TEX11: variants seen among roughly 807,000 people sequenced by gnomAD.
The protein encoded by TEX11 is testis expressed 11.
TEX11 carries 7 observed loss-of-function variants against 84.4 expected under a neutral mutation model. The ratio of observed to expected loss-of-function variants is 0.08; its 90% confidence interval spans 0.05 to 0.16. TEX11 has a LOEUF of 0.16. Among genes scored for constraint, TEX11 ranks in the 10% least tolerant of loss-of-function variants. TEX11 has a pLI of 1.00. For missense variants in TEX11, 551 were observed against 660.5 expected, an observed-to-expected ratio of 0.83 and a Z score of 1.82; for synonymous variants, 264 against 222.8, an observed-to-expected ratio of 1.18 and a Z score of -1.64.
chrX:70,789,005 G>GAGAGAA, intron 9 of TEX11, among the ~76,000 whole-genome samples: 1 of 76,688 alleles, frequency 1.3e-5, no homozygotes, highest in South Asian at 7.2e-4. Flanking sequence ...GAGAGAGAGA[G>GAGAGAA]AGAGAGAGAG....
intron 13 of TEX11, among the ~76,000 whole-genome samples, chrX:70,718,783 T>C (rs1569417508): frequency 9.0e-6 from 1 of 111,593 alleles, no homozygotes; most frequent in East Asian, 2.8e-4. Context: ...GTAACTGGCA[T>C]ACAGAGACTA....
rs747402125 is a variant in TEX11 at position 70,691,468 on chromosome X, G to C, written c.1005-8643C>G. Among the ~76,000 whole-genome samples the C allele has an allele frequency of 3.7e-3, 413 of 111,148 alleles. 5 individuals carry two copies. The highest frequency in any genetic ancestry group is 5.0e-3 in the Non-Finnish European group (262 of 52,715). ...AAATGTGATGTATATACATACAATGGAATATTATTCAGCCTTCAAATGAAA... is the reference window on the plus strand; with the variant it reads ...AAATGTGATGTATATACATACAATGCAATATTATTCAGCCTTCAAATGAAA... On this transcript the variant is annotated intron_variant, in intron 13 of 29. Transcript: ENST00000374333.
chrX:70,854,775 G>A (rs778013112), intron 5 of TEX11, among the ~76,000 whole-genome samples: 18 of 109,100 alleles, frequency 1.6e-4, no homozygotes, highest in African/African-American at 5.0e-4. Context: ...GCCAGGCGCC[G>A]TGGCTCATGC....
chrX:70,520,094 C>T, the TEX11 span, among the ~76,000 whole-genome samples: 3 of 111,714 alleles, frequency 2.7e-5, no homozygotes, highest in African/African-American at 9.8e-5. Flanking sequence ...TTTGTTGTTA[C>T]CGACCTTCCG....
intron 9 of TEX11, among the ~76,000 whole-genome samples, chrX:70,793,624 A>T (rs1244613771): frequency 8.9e-6 from 1 of 111,985 alleles, no homozygotes; most frequent in East Asian, 2.8e-4. Context: ...CCAGAAGCAG[A>T]TGACAGCACT....
At chrX:70,773,732 T>C (rs775901238) in intron 9 of TEX11, among the ~76,000 whole-genome samples, 7 of 112,046 alleles carry the variant, frequency 6.2e-5, no homozygotes, top group African/African-American at 2.3e-4. Flanking sequence ...ACTAAAGGCA[T>C]CTCATACTCA....
intron 4 of TEX11, among the ~76,000 whole-genome samples, chrX:70,866,409 C>CA (rs201707772): frequency 0.098 from 9,042 of 91,868 alleles, 604 homozygotes; most frequent in East Asian, 0.29. Context: ...GCCTACCAAC[C>CA]AAAAAAAAAA....
At chrX:70,686,696 T>TA (rs11330282) in intron 13 of TEX11, among the ~76,000 whole-genome samples, 8,117 of 92,866 alleles carry the variant, frequency 0.087, 453 homozygotes, top group Admixed American at 0.25. Flanking sequence ...GAACTTAAAG[T>TA]AAAAAAAAAA....
At chrX:70,825,656 C>T (rs1383258108) in intron 8 of TEX11, among the ~76,000 whole-genome samples, 1 of 111,972 alleles carries the variant, frequency 8.9e-6, no homozygotes, top group Non-Finnish European at 1.9e-5. Flanking sequence ...GAGCAGCATA[C>T]AAGAATTGAC....
chrX:70,542,083 A>G (rs769734571), intron 28 of TEX11, among the ~76,000 whole-genome samples: 1 of 111,357 alleles, frequency 9.0e-6, no homozygotes, highest in South Asian at 3.9e-4. Context: ...TTGATGTGCA[A>G]CGGACTGAAT....
chrX:70,675,062 T>C (rs1302982704), intron 15 of TEX11, among the ~76,000 whole-genome samples: 4 of 111,635 alleles, frequency 3.6e-5, no homozygotes, highest in Non-Finnish European at 7.5e-5. Context: ...TATGGTATAC[T>C]TCCATTTCTC....
rs772635153 is a variant in TEX11, at chrX:70,698,663, T to C, written c.1005-15838A>G. ...TTGTGCATGCAAGGAGTAGAGGCCATTGATGTTTGACCCCAGGCTCTGCTG... is the reference window on the plus strand; with the variant it reads ...TTGTGCATGCAAGGAGTAGAGGCCACTGATGTTTGACCCCAGGCTCTGCTG... On this transcript the variant is annotated intron_variant, in intron 13 of 29. Transcript: ENST00000374333. 3.6e-5 allele frequency among the ~76,000 whole-genome samples: 4 copies of C among 111,024 alleles called. No individual in the cohort carries two copies. The South Asian group carries it at 1.1e-3, about 32-fold the overall frequency.
intron 2 of TEX11, among the ~76,000 whole-genome samples, chrX:70,906,644 A>G (rs1228754578): frequency 1.8e-5 from 2 of 109,976 alleles, no homozygotes; most frequent in South Asian, 7.9e-4. Context: ...AAAATTAGCC[A>G]GGCATGGTGG....
intron 18 of TEX11, 48 bp downstream of exon 18, chrX:70,629,563 A>G (rs775267792): frequency 3.4e-6 from 4 of 1,179,838 alleles, no homozygotes; most frequent in Admixed American, 2.2e-5. Context: ...ATTGTCTTTC[A>G]AAAAGGAAAA....
intron 17 of TEX11, 35 bp from the exon 18 acceptor site, chrX:70,629,770 C>T (rs753811855): frequency 3.0e-6 from 3 of 985,698 alleles, no homozygotes; most frequent in African/African-American, 2.0e-5. Flanking sequence ...AAATGATATA[C>T]TCTAATCAAA....
intron 8 of TEX11, among the ~76,000 whole-genome samples, chrX:70,817,563 A>T (rs745474085): frequency 2.7e-5 from 3 of 110,769 alleles, no homozygotes; most frequent in African/African-American, 9.9e-5. Flanking sequence ...ACACGCCTGT[A>T]ATGGCAGCTA....
intron 24 of TEX11, among the ~76,000 whole-genome samples, chrX:70,601,534 C>CTTTTTTTT (rs1182961993): frequency 6.3e-4 from 40 of 63,380 alleles, no homozygotes; most frequent in African/African-American, 8.7e-4. Context: ...CAGCATCATT[C>CTTTTTTTT]TTTTTTTTTT....
At chrX:70,838,479 A>G (rs1316773494) in intron 7 of TEX11, among the ~76,000 whole-genome samples, 1 of 112,448 alleles carries the variant, frequency 8.9e-6, no homozygotes, top group Non-Finnish European at 1.9e-5. Context: ...CAATTTCATC[A>G]GAAAAGACTA....
chrX:70,620,261 TC>T (rs2089368622), intron 20 of TEX11, among the ~76,000 whole-genome samples: 1 of 111,360 alleles, frequency 9.0e-6, no homozygotes, highest in African/African-American at 3.3e-5. Flanking sequence ...CTGGCAAGGG[TC>T]CTAAAATCCT....
Sources: allele counts gnomAD v4.1 joint callset (sites outside exome capture counted in the v4.1 genomes callset), GRCh38; gene constraint gnomAD v4.1.1; transcripts MANE v1.5; gene names NCBI Gene and HGNC (gene_info 2026-07-23, HGNC 2026-07-21).